XPO1: variants seen among roughly 807,000 people sequenced by gnomAD.
XPO1 encodes the protein exportin-1.
In XPO1, 5 loss-of-function variants were observed where a neutral mutation model predicts 133.3. The ratio of observed to expected loss-of-function variants is 0.04; its 90% CI spans 0.02 to 0.08. The LOEUF is 0.08. Among genes scored for constraint, XPO1 ranks in the 10% least tolerant of loss-of-function variants. The pLI is 1.00. For synonymous variants in XPO1, 419 were observed against 408.2 expected, an observed-to-expected ratio of 1.03 and a Z score of -0.32; for missense variants, 506 against 1,267.5, an observed-to-expected ratio of 0.40 and a Z score of 9.12.
intron 4 of XPO1, among the ~76,000 whole-genome samples, chr2:61,506,340 T>C (rs1338666091): frequency 1.3e-5 from 2 of 152,142 alleles, no homozygotes; most frequent in African/African-American, 4.8e-5. Context: ...TGAGAATCAT[T>C]TGAACCCAGG....
intron 23 of XPO1, 46 bp from the exon 24 acceptor site, chr2:61,481,327 C>A: frequency 6.8e-7 from 1 of 1,476,220 alleles, no homozygotes; most frequent in East Asian, 2.4e-5. Flanking sequence ...ATTTTTCCCC[C>A]GAGACAGAGT....
At chr2:61,513,448 C>T (rs951187219) in intron 4 of XPO1, among the ~76,000 whole-genome samples, 1 of 148,856 alleles carries the variant, frequency 6.7e-6, no homozygotes, top group African/African-American at 2.5e-5. Flanking sequence ...TTACTGCAGT[C>T]TCTGCCTCCC....
At chr2:61,496,386 A>C (rs956569731) in intron 10 of XPO1, among the ~76,000 whole-genome samples, 2 of 151,912 alleles carry the variant, frequency 1.3e-5, no homozygotes, top group African/African-American at 4.8e-5. Flanking sequence ...TATTTTTTAA[A>C]TCTTTCGTAG....
intron 2 of XPO1, among the ~76,000 whole-genome samples, chr2:61,527,961 C>T (rs779887965): frequency 8.7e-5 from 13 of 150,184 alleles, no homozygotes; most frequent in Non-Finnish European, 1.6e-4. Flanking sequence ...GAGTCTTGCT[C>T]TGTCACCCAG....
intron 4 of XPO1, among the ~76,000 whole-genome samples, chr2:61,511,764 T>C (rs1434775236): frequency 6.6e-6 from 1 of 151,704 alleles, no homozygotes; most frequent in Non-Finnish European, 1.5e-5. Flanking sequence ...TTTCTTTTCT[T>C]TTTTTTCTTT....
chr2:61,521,035 A>C (rs367850695), intron 4 of XPO1, among the ~76,000 whole-genome samples: 2 of 152,364 alleles, frequency 1.3e-5, no homozygotes, highest in South Asian at 4.1e-4. Context: ...TTCTCAGTCC[A>C]TCACAGAACG....
chr2:61,515,912 T>C (rs1698352406), intron 4 of XPO1, among the ~76,000 whole-genome samples: 1 of 120,472 alleles, frequency 8.3e-6, no homozygotes, highest in African/African-American at 3.5e-5. Flanking sequence ...TGAAACCCCA[T>C]CTCTACTAAA....
At chr2:61,528,028 G>A (rs1030002177) in intron 2 of XPO1, among the ~76,000 whole-genome samples, 2 of 151,554 alleles carry the variant, frequency 1.3e-5, no homozygotes, top group Non-Finnish European at 2.9e-5. Flanking sequence ...CCGGGTTCAA[G>A]CAATTCTCCT....
At chr2:61,487,406 A>G (rs1443525012) in intron 19 of XPO1, among the ~76,000 whole-genome samples, 1 of 152,192 alleles carries the variant, frequency 6.6e-6, no homozygotes, top group African/African-American at 2.4e-5. Context: ...GAACCTTTCG[A>G]TATTTAGGTT....
chr2:61,481,307 A>G, intron 23 of XPO1, 26 bp from the exon 24 acceptor site: 3 of 1,560,444 alleles, frequency 1.9e-6, no homozygotes, highest in East Asian at 2.3e-5. Context: ...CAATGATTAA[A>G]TAATGATTTA....
intron 10 of XPO1, among the ~76,000 whole-genome samples, chr2:61,496,647 G>C (rs1434474834): frequency 6.6e-6 from 1 of 152,140 alleles, no homozygotes; most frequent in African/African-American, 2.4e-5. Context: ...TCTCCCAAAA[G>C]ACCAAGCTCC....
chr2:61,507,375 A>T (rs1697880688), intron 4 of XPO1, among the ~76,000 whole-genome samples: 1 of 151,984 alleles, frequency 6.6e-6, no homozygotes, highest in African/African-American at 2.4e-5. Context: ...CGAGCTTGAG[A>T]CCAGCTTGGG....
chr2:61,483,189 C>T, intron 21 of XPO1, 98 bp from the exon 22 acceptor site: 2 of 1,378,656 alleles, frequency 1.5e-6, no homozygotes, highest in South Asian at 3.1e-5. Flanking sequence ...TAACCCTGTT[C>T]TCCCTTTTTT....
At chr2:61,483,374 A>C in intron 21 of XPO1, 1 of 314,464 alleles carries the variant, frequency 3.2e-6, no homozygotes, top group African/African-American at 2.2e-5. Flanking sequence ...GGGGAAGGGC[A>C]GGAGTGGGTG....
intron 12 of XPO1, 178 bp from the exon 13 acceptor site, chr2:61,493,231 AG>A: frequency 1.9e-6 from 1 of 521,284 alleles, no homozygotes; most frequent in Non-Finnish European, 3.2e-6. Context: ...TGTTGTGGCC[AG>A]GAATTTGAGA....
intron 4 of XPO1, among the ~76,000 whole-genome samples, chr2:61,514,613 A>G (rs939059355): frequency 6.0e-5 from 9 of 148,874 alleles, no homozygotes; most frequent in African/African-American, 1.7e-4. Context: ...AAAAAAAAAG[A>G]AAGAAATTAA....
chr2:61,480,117 G>A (rs1447172647), intron 24 of XPO1, among the ~76,000 whole-genome samples: 8 of 151,744 alleles, frequency 5.3e-5, no homozygotes, highest in South Asian at 2.1e-4. Context: ...TGTCTGCCTC[G>A]GCCTCCCAAA....
At chr2:61,510,478 C>T (rs903835801) in intron 4 of XPO1, among the ~76,000 whole-genome samples, 11 of 152,122 alleles carry the variant, frequency 7.2e-5, no homozygotes, top group African/African-American at 2.4e-4. Context: ...AGGGTTCCCA[C>T]AGATAATCTA....
chr2:61,506,284 A>T (rs1697808884), intron 4 of XPO1, among the ~76,000 whole-genome samples: 1 of 152,150 alleles, frequency 6.6e-6, no homozygotes, highest in Admixed American at 6.6e-5. Context: ...TTAGCCAGGC[A>T]TGGTGGCACG....
Sources: gnomAD v4.1 joint callset for allele counts (sites outside exome capture counted in the v4.1 genomes callset) on GRCh38, gnomAD v4.1.1 for gene constraint, MANE v1.5 for transcripts, NCBI Gene and HGNC (gene_info 2026-07-23, HGNC 2026-07-21) for gene names.